Variants in CECR2 observed in about 807,000 individuals in gnomAD.
CECR2 encodes the protein CECR2 histone acetyl-lysine reader.
A neutral mutation model predicts 154.5 loss-of-function variants in CECR2; 30 were observed. The ratio of observed to expected loss-of-function variants is 0.19; its 90% CI spans 0.15 to 0.26. The LOEUF is 0.26. Among genes scored for constraint, CECR2 ranks in the 10% least tolerant of loss-of-function variants. The pLI is 1.00. For synonymous variants in CECR2, 725 were observed against 683.7 expected (o/e 1.06, Z -0.94); for missense variants, 1,743 against 1,829.3 (o/e 0.95, Z 0.86).
intron 1 of CECR2, among the ~76,000 whole-genome samples, chr22:17,412,619 G>A (rs964779837): frequency 2.0e-5 from 3 of 152,162 alleles, no homozygotes; most frequent in Admixed American, 2.0e-4. Context: ...GAGACAAGGT[G>A]GAGAACCCTC....
chr22:17,552,774 G>GTTTTGTTTTTTTTTTT lies in CECR2; in HGVS notation c.4390-57_4390-56insGTTTTTTTTTTTTTTT, dbSNP rs1555944494. On this transcript the variant is annotated intron_variant, in intron 18 of 18. Coordinates refer to ENST00000262608, the MANE Select transcript of CECR2 (RefSeq NM_001290047.2). ...CTTGGACATTCTTTGGCTTACTTAA[G>GTTTTGTTTTTTTTTTT]TTTTTTTTTTTTTAACAACCCAATT... 2.9e-5 allele frequency: 27 copies of GTTTTGTTTTTTTTTTT among 943,716 alleles called. No homozygotes were observed. In the African/African-American group the frequency reaches 5.8e-4, roughly 20 times the overall value. 58.5% of individuals were successfully genotyped at this position (943,716 alleles called of 1,614,324 possible). A position where few individuals can be genotyped will look rare whatever the true frequency, so the allele number is the denominator to read the frequency against.
chr22:17,362,151 T>C (rs1456263239), intron 1 of CECR2, among the ~76,000 whole-genome samples: 1 of 152,194 alleles, frequency 6.6e-6, no homozygotes, highest in Non-Finnish European at 1.5e-5. Flanking sequence ...CAAGCAATTA[T>C]CGTGCCTCAG....
Position 17,540,624 on chromosome 22 carries a change from A to G in CECR2, c.1708A>G (p.Met570Val), listed in dbSNP as rs771321397. ...AGGGTCCAGCAGGAAACAGCAGCCC[A>G]TGGAGAATGGAGGAAAGTCGTTGCC... ...PEGSSRKQQP[M>V]ENGGKSLPPT... The change falls in exon 14 of 19, where the codon ATG becomes GTG. Residue 570 changes from methionine (M) to valine (V), a missense_variant. Coordinates refer to ENST00000262608, the MANE Select transcript of CECR2 (RefSeq NM_001290047.2). The G allele has an allele frequency of 2.5e-6, 4 of 1,613,868 alleles. No individual in the cohort carries two copies. The highest frequency in any genetic ancestry group is 2.2e-5 in the South Asian group (2 of 90,996).
At chr22:17,519,103 G>C (rs532697128) in intron 8 of CECR2, 2 of 156,190 alleles carry the variant, frequency 1.3e-5, no homozygotes, top group African/African-American at 4.8e-5. Flanking sequence ...TCAGTTCTTC[G>C]TGGGTAGCAT....
intron 6 of CECR2, 77 bp downstream of exon 6, chr22:17,503,208 A>C: frequency 7.3e-7 from 1 of 1,369,864 alleles, no homozygotes; most frequent in African/African-American, 1.4e-5. Flanking sequence ...CTCTTTTTCT[A>C]GAGTCATACA....
chr22:17,500,295 G>A (rs541246886), intron 4 of CECR2, among the ~76,000 whole-genome samples: 10 of 152,010 alleles, frequency 6.6e-5, no homozygotes, highest in African/African-American at 2.4e-4. Context: ...TTTAAATGAT[G>A]CCTGAAACAT....
At chr22:17,421,841 C>T (rs931241100) in intron 1 of CECR2, among the ~76,000 whole-genome samples, 3 of 144,802 alleles carry the variant, frequency 2.1e-5, no homozygotes, top group Non-Finnish European at 4.5e-5. Context: ...GATAAAACCG[C>T]ATCTCTACTA....
At chr22:17,433,675 G>T (rs1039348087) in intron 1 of CECR2, among the ~76,000 whole-genome samples, 2 of 152,092 alleles carry the variant, frequency 1.3e-5, no homozygotes, top group African/African-American at 4.8e-5. Flanking sequence ...TTGAACTTTG[G>T]AACTCAAGCG....
intron 1 of CECR2, among the ~76,000 whole-genome samples, chr22:17,431,138 G>A (rs907968993): frequency 7.2e-5 from 11 of 151,998 alleles, no homozygotes; most frequent in African/African-American, 2.7e-4. Context: ...GCTAAAGCTG[G>A]GGTAAAAAAG....
intron 2 of CECR2, among the ~76,000 whole-genome samples, chr22:17,481,391 G>A (rs531808030): frequency 6.7e-5 from 10 of 149,632 alleles, no homozygotes; most frequent in East Asian, 2.0e-4. Flanking sequence ...TGCATAATTC[G>A]CCTCATCTAT....
At chr22:17,451,612 G>A (rs1211473553) in intron 1 of CECR2, among the ~76,000 whole-genome samples, 2 of 152,140 alleles carry the variant, frequency 1.3e-5, no homozygotes, top group East Asian at 3.9e-4. Context: ...CCGAGCACCA[G>A]AGCCCAGGGC....
chr22:17,515,930 C>T (rs1358597107), intron 8 of CECR2, among the ~76,000 whole-genome samples: 1 of 152,198 alleles, frequency 6.6e-6, no homozygotes, highest in Non-Finnish European at 1.5e-5. Flanking sequence ...CCGCCTTAGC[C>T]TCCCAAAGTG....
intron 2 of CECR2, among the ~76,000 whole-genome samples, chr22:17,494,090 T>C (rs2055577830): frequency 6.6e-6 from 1 of 151,992 alleles, no homozygotes; most frequent in Admixed American, 6.5e-5. Flanking sequence ...CACTTTTTCA[T>C]TTTCTTTCTT....
At chr22:17,498,610 A>G (rs949719513) in intron 3 of CECR2, among the ~76,000 whole-genome samples, 1 of 152,160 alleles carries the variant, frequency 6.6e-6, no homozygotes, top group Non-Finnish European at 1.5e-5. Context: ...GAAGGCCAGT[A>G]CAGGTCAGCC....
intron 1 of CECR2, among the ~76,000 whole-genome samples, chr22:17,442,659 T>C (rs866425600): frequency 6.6e-6 from 1 of 152,186 alleles, no homozygotes; most frequent in Non-Finnish European, 1.5e-5. Flanking sequence ...AGCAGTTCTC[T>C]GCCTCAGCCT....
intron 2 of CECR2, among the ~76,000 whole-genome samples, chr22:17,481,976 C>T (rs538278363): frequency 3.3e-5 from 5 of 151,474 alleles, no homozygotes; most frequent in South Asian, 2.1e-4. Context: ...AGTAGCCGGG[C>T]GTGGTGGCGG....
chr22:17,445,685 C>T (rs1401790507), intron 1 of CECR2, among the ~76,000 whole-genome samples: 1 of 151,732 alleles, frequency 6.6e-6, no homozygotes, highest in Admixed American at 6.6e-5. Context: ...CTCTGCCTCC[C>T]AGGTTCGGGC....
At chr22:17,499,624 C>T (rs2055698982) in intron 4 of CECR2, 75 bp downstream of exon 4, 2 of 1,426,982 alleles carry the variant, frequency 1.4e-6, no homozygotes, top group Middle Eastern at 1.8e-4. Flanking sequence ...CAGAATTCTA[C>T]AGCACAATTT....
At chr22:17,414,260 CTG>C (rs1466392221) in intron 1 of CECR2, among the ~76,000 whole-genome samples, 4 of 152,212 alleles carry the variant, frequency 2.6e-5, no homozygotes, top group Non-Finnish European at 5.9e-5. Context: ...GCGTGAGCCA[CTG>C]CGCCCGGCGG....
Sources: allele counts gnomAD v4.1 joint callset (sites outside exome capture counted in the v4.1 genomes callset), GRCh38; gene constraint gnomAD v4.1.1; transcripts MANE v1.5; gene names NCBI Gene and HGNC (gene_info 2026-07-23, HGNC 2026-07-21).